The following H2BC12 variants were observed in gnomAD, a reference collection of about 807,000 sequenced individuals.
H2BC12 encodes the protein H2B clustered histone 12, also known as histone H2B type 1-K.
A neutral mutation model predicts 6.3 loss-of-function variants in H2BC12; 6 were observed. That is an observed-to-expected ratio of 0.95 (90% CI 0.52 to 1.87). H2BC12 has a LOEUF of 1.87. Among genes scored for constraint, H2BC12 ranks in the 40% most tolerant of loss-of-function variants. The probability of loss-of-function intolerance (pLI) is 0.01; values close to 1 mark genes in which losing one functional copy is unlikely to be tolerated. For synonymous variants in H2BC12, 132 were observed against 78.5 expected, an observed-to-expected ratio of 1.68 and a Z score of -3.60; for missense variants, 119 against 178.4, an observed-to-expected ratio of 0.67 and a Z score of 1.90.
the H2BC12 span, chr6:27,138,906 A>C: frequency 5.2e-4 from 83 of 159,166 alleles, 1 homozygote; most frequent in South Asian, 0.014. Context: ...TATTGCTAGG[A>C]ATTTAGCATA....
At chr6:27,146,315 A>C (rs2113652343), downstream of H2BC12, 1 of 1,556,990 alleles carries the variant, frequency 6.4e-7, no homozygotes, top group East Asian at 2.2e-5. Flanking sequence ...GCCCGAATTT[A>C]AGCCTGGATT....
chr6:27,144,028 T>C (rs969130639), downstream of H2BC12, among the ~76,000 whole-genome samples: 16 of 152,200 alleles, frequency 1.1e-4, no homozygotes, highest in East Asian at 2.7e-3. Context: ...CAAAGAGATA[T>C]ATGGTATAAT....
chr6:27,143,842 T>C (rs1024339986), downstream of H2BC12, among the ~76,000 whole-genome samples: 5 of 115,098 alleles, frequency 4.3e-5, no homozygotes, highest in Non-Finnish European at 6.7e-5. Context: ...ACTGAACTAC[T>C]CTTTAAAAAA....
At chr6:27,140,083 T>TG in the H2BC12 span, among the ~76,000 whole-genome samples, 5 of 150,738 alleles carry the variant, frequency 3.3e-5, no homozygotes, top group South Asian at 4.2e-4. Context: ...GAGCTCTGCA[T>TG]GGGGGGGAGG....
chr6:27,144,865 A>G (rs890104637), downstream of H2BC12, among the ~76,000 whole-genome samples: 18 of 152,032 alleles, frequency 1.2e-4, no homozygotes, highest in Non-Finnish European at 2.6e-4. Context: ...GAGGTGATCT[A>G]GGCTCACTGC....
downstream of H2BC12, among the ~76,000 whole-genome samples, chr6:27,143,640 CAT>C (rs1423962399): frequency 4.0e-5 from 6 of 150,964 alleles, no homozygotes; most frequent in Non-Finnish European, 7.4e-5. Flanking sequence ...AGAGACCAAA[CAT>C]ATGATTGCCA....
chr6:27,139,296 T>A, the H2BC12 span: 40 of 1,592,388 alleles, frequency 2.5e-5, no homozygotes, highest in Admixed American at 4.6e-4. Flanking sequence ...CTTTGTTCTC[T>A]GACCACTTGA....
downstream of H2BC12, among the ~76,000 whole-genome samples, chr6:27,144,048 CAA>C (rs1049121994): frequency 5.3e-5 from 8 of 152,208 alleles, no homozygotes; most frequent in South Asian, 4.2e-4. Flanking sequence ...TGGAAACAAA[CAA>C]GAGCATAATG....
chr6:27,142,303 G>A (rs2113647270), downstream of H2BC12, among the ~76,000 whole-genome samples: 1 of 151,960 alleles, frequency 6.6e-6, no homozygotes, highest in East Asian at 1.9e-4. Flanking sequence ...ACGAACTCTC[G>A]CTTTCGTCCC....
chr6:27,142,652 T>C (rs1319840982), downstream of H2BC12, among the ~76,000 whole-genome samples: 1 of 146,458 alleles, frequency 6.8e-6, no homozygotes, highest in Non-Finnish European at 1.5e-5. Flanking sequence ...TTTTTTTTTT[T>C]TTTTGAGACA....
the H2BC12 span, among the ~76,000 whole-genome samples, chr6:27,140,128 A>G: frequency 1.3e-5 from 2 of 152,150 alleles, no homozygotes; most frequent in Non-Finnish European, 2.9e-5. Context: ...GTAGAACAGT[A>G]GGGCAGTCTT....
In H2BC12 at chr6:27,146,818, C is replaced by G. The variant is rs1760099669; in HGVS notation, c.-20G>C. ...CGGCATGTTGAAGGCGAACTACGAG[C>G]CTGAGACGAGCAGCAGATCGAGAAA... On this transcript the variant is annotated 5_prime_UTR_variant, in exon 1 of 1. Coordinates refer to ENST00000356950, the MANE Select transcript of H2BC12 (RefSeq NM_001312653.2). 1.9e-6 allele frequency: 3 copies of G among 1,610,668 alleles called. No individual in the cohort carries two copies. The highest frequency in any genetic ancestry group is 4.5e-5 in the East Asian group (2 of 44,854).
downstream of H2BC12, among the ~76,000 whole-genome samples, chr6:27,145,679 C>T (rs1045978599): frequency 1.3e-5 from 2 of 152,154 alleles, no homozygotes. Context: ...GCTTTCTTGT[C>T]AAAAGGAAAA....
chr6:27,143,434 G>T (rs1760031924), downstream of H2BC12, among the ~76,000 whole-genome samples: 1 of 151,964 alleles, frequency 6.6e-6, no homozygotes, highest in African/African-American at 2.4e-5. Context: ...TTATACCTCA[G>T]GTAATATCAA....
At chr6:27,144,858 G>A (rs1051537091), downstream of H2BC12, among the ~76,000 whole-genome samples, 2 of 152,112 alleles carry the variant, frequency 1.3e-5, no homozygotes, top group African/African-American at 2.4e-5. Flanking sequence ...GTGCAGTGAG[G>A]TGATCTAGGC....
At chr6:27,146,174 AT>A (rs1380572355), downstream of H2BC12, among the ~76,000 whole-genome samples, 1 of 152,218 alleles carries the variant, frequency 6.6e-6, no homozygotes, top group Non-Finnish European at 1.5e-5. Context: ...CACATCCCTA[AT>A]TTTTTAGGCG....
the H2BC12 span, among the ~76,000 whole-genome samples, chr6:27,140,221 C>T: frequency 6.6e-6 from 1 of 152,130 alleles, no homozygotes; most frequent in African/African-American, 2.4e-5. Flanking sequence ...CGCTGGTGAC[C>T]ACACCACTTA....
downstream of H2BC12, among the ~76,000 whole-genome samples, chr6:27,143,197 T>C (rs1031098684): frequency 2.6e-5 from 4 of 151,574 alleles, no homozygotes; most frequent in South Asian, 6.3e-4. Context: ...ACTAAAAATA[T>C]AAAAACTAGC....
At chr6:27,139,480 G>A in the H2BC12 span, 4 of 1,614,222 alleles carry the variant, frequency 2.5e-6, no homozygotes, top group East Asian at 2.2e-5. Context: ...GACCCGCGGA[G>A]TGTTGAAGGT....
Sources: gnomAD v4.1 joint callset for allele counts (sites outside exome capture counted in the v4.1 genomes callset) on GRCh38, gnomAD v4.1.1 for gene constraint, MANE v1.5 for transcripts, NCBI Gene and HGNC (gene_info 2026-07-23, HGNC 2026-07-21) for gene names.